The following SLC35F1 variants were observed in gnomAD, a reference collection of about 807,000 sequenced individuals.
SLC35F1 encodes solute carrier family 35 member F1, also known as chromosome 6 open reading frame 169.
A neutral mutation model predicts 48.7 loss-of-function variants in SLC35F1; 14 were observed. The observed-to-expected ratio is 0.29, with a 90% CI of 0.19 to 0.45. The LOEUF is 0.45. Among genes scored for constraint, SLC35F1 ranks in the 20% least tolerant of loss-of-function variants. SLC35F1 has a pLI of 1.00. For missense variants in SLC35F1, 404 were observed against 500.0 expected (o/e 0.81, Z 1.83); for synonymous variants, 190 against 202.2 (o/e 0.94, Z 0.51).
At chr6:118,182,564 A>AAGGAAGGAAGGAAGGAAGGAAGGAAGG (rs1562317879) in intron 2 of SLC35F1, among the ~76,000 whole-genome samples, 3 of 60,612 alleles carry the variant, frequency 4.9e-5, no homozygotes, top group Non-Finnish European at 1.3e-4. Flanking sequence ...AGGAAGGAAG[A>AAGGAAGGAAGGAAGGAAGGAAGGAAGG]AAAAAAGAAA....
intron 2 of SLC35F1, among the ~76,000 whole-genome samples, chr6:118,210,994 A>T (rs1562326485): frequency 6.6e-6 from 1 of 152,170 alleles, no homozygotes; most frequent in Non-Finnish European, 1.5e-5. Flanking sequence ...AAGAGGTCCT[A>T]TGGGTGGACC....
chr6:118,162,709 C>G (rs1269251463), intron 2 of SLC35F1, among the ~76,000 whole-genome samples: 1 of 152,154 alleles, frequency 6.6e-6, no homozygotes, highest in African/African-American at 2.4e-5. Context: ...CTTGTGGCAT[C>G]CTTTTAGACA....
intron 1 of SLC35F1, among the ~76,000 whole-genome samples, chr6:117,919,136 T>A (rs965036598): frequency 9.2e-5 from 14 of 152,158 alleles, no homozygotes; most frequent in African/African-American, 3.1e-4. Flanking sequence ...GTTCACGTGA[T>A]GTTCCCACCT....
intron 3 of SLC35F1, among the ~76,000 whole-genome samples, chr6:118,246,805 CA>C (rs1775513270): frequency 6.6e-6 from 1 of 151,972 alleles, no homozygotes; most frequent in Non-Finnish European, 1.5e-5. Context: ...ATGCAACCAA[CA>C]AAAAAAGTTC....
chr6:118,167,539 T>C (rs770298684), intron 2 of SLC35F1, among the ~76,000 whole-genome samples: 4 of 152,158 alleles, frequency 2.6e-5, no homozygotes, highest in Non-Finnish European at 5.9e-5. Context: ...AGTATATATT[T>C]GTGTATCTAA....
At chr6:118,048,447 T>A (rs1244074486) in intron 1 of SLC35F1, among the ~76,000 whole-genome samples, 1 of 152,174 alleles carries the variant, frequency 6.6e-6, no homozygotes, top group Non-Finnish European at 1.5e-5. Context: ...ATGACATGAT[T>A]GTATATTTAG....
chr6:118,104,906 A>C (rs1398657109), intron 1 of SLC35F1, among the ~76,000 whole-genome samples: 1 of 152,136 alleles, frequency 6.6e-6, no homozygotes, highest in Non-Finnish European at 1.5e-5. Flanking sequence ...TGTCCTACAC[A>C]TGAGCCTTCT....
intron 1 of SLC35F1, among the ~76,000 whole-genome samples, chr6:117,943,636 C>G (rs1171657254): frequency 1.3e-5 from 2 of 152,234 alleles, no homozygotes; most frequent in East Asian, 3.9e-4. Flanking sequence ...AGAGTTGGCT[C>G]TATTTGAAAT....
intron 2 of SLC35F1, among the ~76,000 whole-genome samples, chr6:118,218,422 G>T (rs551389607): frequency 5.3e-5 from 8 of 152,096 alleles, no homozygotes; most frequent in Non-Finnish European, 1.0e-4. Context: ...GAGGGAGGGC[G>T]GGGATAGGTA....
Position 118,285,970 on chromosome 6 carries a change from C to T in SLC35F1, c.1002+632C>T, listed in dbSNP as rs749696187. ...TGCAAAACTCTACCCGCATCTTTGC[C>T]CTAGGGAGGCATGACTAATTGATTA... is the stretch of plus-strand genomic sequence containing the variant. On this transcript the variant is annotated intron_variant, in intron 7 of 7. Transcript: ENST00000360388. Among the ~76,000 whole-genome samples the T allele has an allele frequency of 3.1e-4, 47 of 152,196 alleles. No homozygotes were observed. The Middle Eastern group carries it at 0.014, about 44-fold the overall frequency.
chr6:118,066,739 T>C (rs1011557435), intron 1 of SLC35F1, among the ~76,000 whole-genome samples: 1 of 146,350 alleles, frequency 6.8e-6, no homozygotes, highest in South Asian at 2.2e-4. Flanking sequence ...AGGCAGTAGT[T>C]CTTTTTTTTT....
At chr6:118,047,919 T>G (rs1379129249) in intron 1 of SLC35F1, among the ~76,000 whole-genome samples, 1 of 152,186 alleles carries the variant, frequency 6.6e-6, no homozygotes, top group African/African-American at 2.4e-5. Context: ...CAACACTATG[T>G]TGAATAGGAG....
At chr6:118,158,635 G>A (rs954359915) in intron 2 of SLC35F1, among the ~76,000 whole-genome samples, 3 of 152,174 alleles carry the variant, frequency 2.0e-5, no homozygotes, top group South Asian at 4.1e-4. Context: ...AGCATTAAGG[G>A]TGAGGTTATT....
At chr6:118,253,554 G>A (rs1156722486) in intron 3 of SLC35F1, among the ~76,000 whole-genome samples, 8 of 152,066 alleles carry the variant, frequency 5.3e-5, no homozygotes, top group Admixed American at 5.2e-4. Flanking sequence ...CATGTAGAAT[G>A]TGAAAATAAG....
intron 1 of SLC35F1, among the ~76,000 whole-genome samples, chr6:118,007,024 C>T (rs1777182583): frequency 7.6e-6 from 1 of 130,950 alleles, no homozygotes; most frequent in African/African-American, 3.1e-5. Context: ...TTTGACAACA[C>T]ATGTTGTTTT....
chr6:118,128,759 T>C (rs1773666777), intron 1 of SLC35F1, among the ~76,000 whole-genome samples: 1 of 151,632 alleles, frequency 6.6e-6, no homozygotes, highest in South Asian at 2.1e-4. Context: ...CATGTATACA[T>C]ATGTAACTAA....
chr6:118,278,075 C>T (rs778133013), intron 6 of SLC35F1, among the ~76,000 whole-genome samples: 37 of 152,194 alleles, frequency 2.4e-4, no homozygotes, highest in Non-Finnish European at 4.6e-4. Context: ...ATACCAGACA[C>T]GCTTTGAGCT....
At chr6:118,136,514 T>C (rs1773799428) in intron 1 of SLC35F1, among the ~76,000 whole-genome samples, 1 of 152,232 alleles carries the variant, frequency 6.6e-6, no homozygotes, top group African/African-American at 2.4e-5. Flanking sequence ...TCACGTTATT[T>C]GTATCTTGAA....
intron 4 of SLC35F1, among the ~76,000 whole-genome samples, chr6:118,269,123 T>G (rs1775818579): frequency 6.6e-6 from 1 of 152,232 alleles, no homozygotes; most frequent in South Asian, 2.1e-4. Flanking sequence ...TAGATTGTAT[T>G]CATTAATCCT....
Sources: gnomAD v4.1 joint callset for allele counts (sites outside exome capture counted in the v4.1 genomes callset) on GRCh38, gnomAD v4.1.1 for gene constraint, MANE v1.5 for transcripts, NCBI Gene and HGNC (gene_info 2026-07-23, HGNC 2026-07-21) for gene names.